CTNNA1: variants seen among roughly 807,000 people sequenced by gnomAD.
CTNNA1 encodes catenin alpha 1.
Under a neutral mutation model 98.4 loss-of-function variants are expected in CTNNA1, and 37 were observed. The ratio of observed to expected loss-of-function variants is 0.38; its 90% CI spans 0.29 to 0.49. The LOEUF (loss-of-function observed/expected upper bound fraction) is 0.49, where lower values mean the gene tolerates loss of function less well. Among genes scored for constraint, CTNNA1 ranks in the 20% least tolerant of loss-of-function variants. The probability of loss-of-function intolerance (pLI) is 0.95; values close to 1 mark genes in which losing one functional copy is unlikely to be tolerated. For missense variants in CTNNA1, 761 were observed against 1,147.2 expected, an observed-to-expected ratio of 0.66 and a Z score of 4.86; for synonymous variants, 404 against 413.2, an observed-to-expected ratio of 0.98 and a Z score of 0.27.
chr5:138,917,965 A>C (rs987603906), intron 11 of CTNNA1, 67 bp downstream of exon 11: 3 of 1,503,372 alleles, frequency 2.0e-6, no homozygotes, highest in Admixed American at 1.7e-5. Flanking sequence ...AAGTTGTATT[A>C]ATGGGCAAAC....
At position 138,812,206 on chromosome 5, in the gene CTNNA1, G is replaced by A. The variant is rs1404658974; in HGVS notation, c.492G>A (p.Leu164=). Residue 164 remains leucine (L), a synonymous_variant, in exon 5 of 18, where the codon TTG becomes TTA. Transcript: ENST00000302763. ...AGGTGGAAGATGGTATCTTGAAGTT[G>A]AGGAATGCTGGCAATGAACAAGACT... ...LKVVEDGILK[L]RNAGNEQDLG... The A allele has an allele frequency of 6.2e-7, 1 of 1,613,680 alleles. No individual in the cohort carries two copies. The highest frequency in any genetic ancestry group is 8.5e-7 in the Non-Finnish European group (1 of 1,179,790).
chr5:138,901,156 T>C (rs960445698), intron 9 of CTNNA1, among the ~76,000 whole-genome samples: 6 of 151,992 alleles, frequency 3.9e-5, no homozygotes, highest in Admixed American at 2.6e-4. Flanking sequence ...TCCCCTCCCC[T>C]CTTTTCTCTT....
intron 7 of CTNNA1, among the ~76,000 whole-genome samples, chr5:138,868,284 G>T (rs1478486374): frequency 4.6e-5 from 7 of 152,120 alleles, no homozygotes; most frequent in Admixed American, 4.6e-4. Flanking sequence ...TGGAGCAGGG[G>T]GTTGGCACCC....
intron 9 of CTNNA1, among the ~76,000 whole-genome samples, chr5:138,900,244 C>T (rs1451047436): frequency 6.6e-6 from 1 of 152,178 alleles, no homozygotes; most frequent in Non-Finnish European, 1.5e-5. Context: ...GGCCCAGGGG[C>T]ACAGGGGAAG....
At chr5:138,836,960 G>A (rs781076589) in intron 7 of CTNNA1, among the ~76,000 whole-genome samples, 4 of 152,172 alleles carry the variant, frequency 2.6e-5, no homozygotes, top group Non-Finnish European at 5.9e-5. Context: ...AACTTAGACC[G>A]TTAGATTTGC....
At chr5:138,892,585 G>T (rs1256056010) in intron 9 of CTNNA1, among the ~76,000 whole-genome samples, 1 of 151,568 alleles carries the variant, frequency 6.6e-6, no homozygotes, top group East Asian at 1.9e-4. Flanking sequence ...CAAGTGATTC[G>T]CCCGCCTCGG....
chr5:138,873,213 G>A lies in CTNNA1; in HGVS notation c.1063-12999G>A, dbSNP rs1250566358. The A allele has an allele frequency of 2.5e-6, 4 of 1,613,928 alleles. No individual in the cohort carries two copies. Among genetic ancestry groups the A allele is most frequent in the Non-Finnish European group, 2.5e-6 (3 of 1,179,872 alleles). On this transcript the variant is annotated intron_variant, in intron 7 of 17. Coordinates refer to ENST00000302763, the MANE Select transcript of CTNNA1 (RefSeq NM_001903.5). This position sits in a 1 kb window ranked among gnomAD's most constrained non-coding sequence, Gnocchi z 6.1. ...CACTGCCTAATTCTTCTTAAAGTGG[G>A]AGGGCAGCACTTCCTGGAGATGAAC... is the stretch of plus-strand genomic sequence containing the variant.
chr5:138,757,597 C>G (rs1051774807), intron 1 of CTNNA1, among the ~76,000 whole-genome samples: 2 of 152,140 alleles, frequency 1.3e-5, no homozygotes, highest in African/African-American at 4.8e-5. Context: ...TCAGCACTTT[C>G]GTTTCTGGTA....
At chr5:138,912,458 TC>T (rs1760853494) in intron 10 of CTNNA1, among the ~76,000 whole-genome samples, 2 of 151,962 alleles carry the variant, frequency 1.3e-5, no homozygotes, top group African/African-American at 4.8e-5. Flanking sequence ...TTTGAGAAAA[TC>T]CAACATCCAT....
Position 138,873,082 on chromosome 5 carries a change from T to A in CTNNA1, c.1063-13130T>A. 3 of 1,613,748 alleles carry A rather than the reference T, an allele frequency of 1.9e-6. No homozygotes were observed. Among genetic ancestry groups the A allele is most frequent in the Non-Finnish European group, 2.5e-6 (3 of 1,179,670 alleles). On this transcript the variant is annotated intron_variant, in intron 7 of 17. Transcript: ENST00000302763. This position sits in a 1 kb window ranked among gnomAD's most constrained non-coding sequence, Gnocchi z 6.1. ...CATAACCATTAATGATGATGAAGGG[T>A]CCTTCATGGGTGGGTTCATATTCAT...
intron 7 of CTNNA1, among the ~76,000 whole-genome samples, chr5:138,828,455 ACTT>A (rs942442072): frequency 5.3e-5 from 8 of 151,974 alleles, no homozygotes; most frequent in Non-Finnish European, 1.0e-4. Context: ...CTTCGCTTAT[ACTT>A]CTTCTATTCT....
chr5:138,932,658 C>T lies in CTNNA1; in HGVS notation c.2379C>T (p.Cys793=), dbSNP rs1174692283. Reference sequence around the variant, plus strand: ...TCTACTGCCACCAGCTGAACATCTGCAGCAAGGTCAAGGCCGAGGTGCAGA... The same window carrying T: ...TCTACTGCCACCAGCTGAACATCTGTAGCAAGGTCAAGGCCGAGGTGCAGA... The part of the protein sequence containing the change: ...IALYCHQLNI[C]SKVKAEVQNL... The change falls in exon 17 of 18, where the codon TGC becomes TGT. Residue 793 remains cysteine (C), a synonymous_variant. Coordinates refer to ENST00000302763, the MANE Select transcript of CTNNA1 (RefSeq NM_001903.5). The T allele has an allele frequency of 6.2e-7, 1 of 1,614,218 alleles. No homozygotes were observed. The highest frequency in any genetic ancestry group is 8.5e-7 in the Non-Finnish European group (1 of 1,180,040).
intron 13 of CTNNA1, among the ~76,000 whole-genome samples, chr5:138,927,892 C>T (rs1191171809): frequency 6.6e-6 from 1 of 152,136 alleles, no homozygotes; most frequent in Admixed American, 6.5e-5. Context: ...GTGACTGCAG[C>T]GTTAAAACTG....
At chr5:138,765,330 C>T (rs1659102584) in intron 1 of CTNNA1, among the ~76,000 whole-genome samples, 5 of 151,768 alleles carry the variant, frequency 3.3e-5, no homozygotes, top group Admixed American at 6.6e-5. Context: ...CGTGAGCCAC[C>T]GCGCCCGGCC....
chr5:138,854,451 T>A (rs775931767), intron 7 of CTNNA1, among the ~76,000 whole-genome samples: 14 of 152,228 alleles, frequency 9.2e-5, no homozygotes, highest in Non-Finnish European at 1.0e-4. Flanking sequence ...CATGTACTTG[T>A]GTCTGTACAC....
intron 7 of CTNNA1, among the ~76,000 whole-genome samples, chr5:138,865,816 G>T (rs905459747): frequency 6.6e-6 from 1 of 152,118 alleles, no homozygotes; most frequent in Non-Finnish European, 1.5e-5. Flanking sequence ...TCACTATTCT[G>T]TACATAGTTT....
chr5:138,922,220 T>C (rs13174008), intron 11 of CTNNA1, among the ~76,000 whole-genome samples: 55,601 of 151,992 alleles, frequency 0.37, 11,475 homozygotes, highest in African/African-American at 0.57. Flanking sequence ...TTTTAACTCG[T>C]GATCTAACTG....
At chr5:138,782,457 G>T in intron 2 of CTNNA1, 1 of 332,980 alleles carries the variant, frequency 3.0e-6, no homozygotes, top group Non-Finnish European at 6.0e-6. Flanking sequence ...ACAATGTTAG[G>T]GTAGTTCATA....
chr5:138,813,992 G>A (rs1421913936), intron 5 of CTNNA1, among the ~76,000 whole-genome samples: 1 of 152,146 alleles, frequency 6.6e-6, no homozygotes, highest in African/African-American at 2.4e-5. Context: ...ATTTACATTA[G>A]TATTAAAAAT....
Sources: gnomAD v4.1 joint callset for allele counts (sites outside exome capture counted in the v4.1 genomes callset) on GRCh38, gnomAD v4.1.1 for gene constraint, Gnocchi (gnomAD v3.1) non-coding constraint, MANE v1.5 for transcripts, NCBI Gene and HGNC (gene_info 2026-07-23, HGNC 2026-07-21) for gene names.